Variants in AP2A2 observed in about 807,000 individuals in gnomAD.
The protein encoded by AP2A2 is adaptor related protein complex 2 subunit alpha 2.
In AP2A2, 32 loss-of-function variants were observed where a neutral mutation model predicts 104.2. That is an observed-to-expected ratio of 0.31 (90% confidence interval 0.23 to 0.41). The LOEUF is 0.41. Among genes scored for constraint, AP2A2 ranks in the 10% least tolerant of loss-of-function variants. The pLI is 1.00. For missense variants in AP2A2, 912 were observed against 1,261.0 expected, an observed-to-expected ratio of 0.72 and a Z score of 4.19; for synonymous variants, 539 against 533.3, an observed-to-expected ratio of 1.01 and a Z score of -0.15.
chr11:973,350 G>A (rs921352077), intron 4 of AP2A2, among the ~76,000 whole-genome samples: 28 of 152,178 alleles, frequency 1.8e-4, no homozygotes, highest in African/African-American at 6.3e-4. Context: ...CAGAGAATGA[G>A]GCAGCCTTCT....
At chr11:986,118 T>C (rs879600562) in intron 8 of AP2A2, among the ~76,000 whole-genome samples, 1 of 152,222 alleles carries the variant, frequency 6.6e-6, no homozygotes, top group Non-Finnish European at 1.5e-5. Flanking sequence ...GTCTTGCGTG[T>C]GGGGCCATGC....
intron 1 of AP2A2, among the ~76,000 whole-genome samples, chr11:927,108 T>C (rs7480178): frequency 0.56 from 84,401 of 151,994 alleles, 24,636 homozygotes; most frequent in Middle Eastern, 0.72. Flanking sequence ...GCTCTGGCTC[T>C]CAGGCTGGAG....
At chr11:982,551 C>G (rs1402892539) in intron 6 of AP2A2, among the ~76,000 whole-genome samples, 1 of 151,810 alleles carries the variant, frequency 6.6e-6, no homozygotes, top group African/African-American at 2.4e-5. Context: ...GTCGTTGGTA[C>G]TCTTCACATT....
intron 9 of AP2A2, among the ~76,000 whole-genome samples, chr11:988,178 G>A (rs747947136): frequency 3.3e-5 from 5 of 152,242 alleles, no homozygotes; most frequent in East Asian, 3.9e-4. Flanking sequence ...GGGCAGCTCC[G>A]TGTCCGAGGC....
chr11:963,510 G>A (rs1477964057), intron 2 of AP2A2, among the ~76,000 whole-genome samples: 2 of 152,192 alleles, frequency 1.3e-5, no homozygotes, highest in Non-Finnish European at 2.9e-5. Flanking sequence ...ACACTTAAGA[G>A]TGAGTCTCAC....
intron 2 of AP2A2, among the ~76,000 whole-genome samples, chr11:963,055 AAAAGT>A (rs1269543235): frequency 1.3e-5 from 2 of 152,242 alleles, no homozygotes; most frequent in Admixed American, 6.5e-5. Context: ...CTCATTGAAA[AAAAGT>A]AAAAAGGAGC....
At chr11:1,003,561 T>C in intron 15 of AP2A2, 161 bp from the exon 16 acceptor site, 1 of 510,614 alleles carries the variant, frequency 2.0e-6, no homozygotes, top group Non-Finnish European at 3.5e-6. Context: ...CCAGTGGCTG[T>C]TTGTCAGGAT....
rs770988446 is a variant in AP2A2 at position 1,008,153 on chromosome 11, G to A, written c.2420+18G>A. The A allele has an allele frequency of 1.1e-5, 18 of 1,584,918 alleles. No individual in the cohort carries two copies. The highest frequency in any genetic ancestry group is 9.0e-5 in the East Asian group (4 of 44,260). On this transcript the variant is annotated intron_variant, in intron 18 of 21. Transcript: ENST00000448903. The stretch of plus-strand genomic sequence containing the variant: ...CAGTTCAGGTAAGAGCCGCCTGTGC[G>A]CCCCGGGCCAAGGGGTGTGTGGGCG...
chr11:982,582 C>G (rs950770922), intron 6 of AP2A2, among the ~76,000 whole-genome samples: 1 of 151,038 alleles, frequency 6.6e-6, no homozygotes, highest in Non-Finnish European at 1.5e-5. Flanking sequence ...CTTTCTCTAT[C>G]TAGTTTGTCA....
intron 4 of AP2A2, among the ~76,000 whole-genome samples, chr11:974,144 C>T (rs1253563882): frequency 1.3e-5 from 2 of 148,666 alleles, no homozygotes; most frequent in Admixed American, 1.3e-4. Flanking sequence ...CAGAAGGGAG[C>T]AGGTGGCCCG....
chr11:949,147 G>A (rs1441179916), intron 1 of AP2A2, among the ~76,000 whole-genome samples: 4 of 150,096 alleles, frequency 2.7e-5, no homozygotes, highest in Admixed American at 6.6e-5. Flanking sequence ...GTGGTGGCAC[G>A]CACCTTTAGT....
At chr11:963,157 G>A (rs1178582041) in intron 2 of AP2A2, among the ~76,000 whole-genome samples, 9 of 152,144 alleles carry the variant, frequency 5.9e-5, no homozygotes, top group Admixed American at 5.9e-4. Context: ...CTGGCACGAT[G>A]GCTCATGCCT....
intron 1 of AP2A2, among the ~76,000 whole-genome samples, chr11:938,058 A>C (rs1220698160): frequency 6.6e-6 from 1 of 152,132 alleles, no homozygotes; most frequent in Non-Finnish European, 1.5e-5. Flanking sequence ...AACAAAACGC[A>C]TGCTTATTGG....
chr11:972,223 C>T lies in AP2A2; in HGVS notation c.441C>T (p.Phe147=), dbSNP rs761093838. ...GCAGCCGGGAGATGGCCGAGGCCTT[C>T]GCCGGGGAGATCCCTAAGGTCCTCG... ...SVGSREMAEA[F]AGEIPKVLVA... Residue 147 remains phenylalanine (F), a synonymous_variant, in exon 4 of 22, where the codon TTC becomes TTT. Coordinates refer to ENST00000448903, the MANE Select transcript of AP2A2 (RefSeq NM_012305.4). 119 of 1,607,734 alleles carry T rather than the reference C, an allele frequency of 7.4e-5. No individual in the cohort carries two copies. The highest frequency in any genetic ancestry group is 1.3e-4 in the Admixed American group (8 of 59,562).
chr11:939,856 T>C (rs1853585123), intron 1 of AP2A2, among the ~76,000 whole-genome samples: 1 of 152,182 alleles, frequency 6.6e-6, no homozygotes, highest in Admixed American at 6.5e-5. Flanking sequence ...CTATTTCATG[T>C]CTGAAAGTAC....
intron 1 of AP2A2, among the ~76,000 whole-genome samples, chr11:952,654 A>G (rs923318022): frequency 6.6e-5 from 10 of 152,034 alleles, no homozygotes; most frequent in Non-Finnish European, 1.3e-4. Context: ...CTCTTTAACA[A>G]AGATCAGACT....
In AP2A2 at chr11:960,305, C is replaced by T. The variant is rs190270527; in HGVS notation, c.136+800C>T. ...TCGCTCAGTGTGGAGTGCAGTGGCACGATCTTGGCTCACCGCAACCTCCGC... is the reference window on the plus strand; with the variant it reads ...TCGCTCAGTGTGGAGTGCAGTGGCATGATCTTGGCTCACCGCAACCTCCGC... On this transcript the variant is annotated intron_variant, in intron 2 of 21. Transcript: ENST00000448903. Among the ~76,000 whole-genome samples the T allele has an allele frequency of 1.9e-4, 29 of 151,568 alleles. No individual in the cohort carries two copies. The East Asian group carries it at 4.8e-3, about 25-fold the overall frequency.
intron 14 of AP2A2, among the ~76,000 whole-genome samples, chr11:1,000,140 G>T (rs2133767790): frequency 6.6e-6 from 1 of 152,216 alleles, no homozygotes; most frequent in East Asian, 1.9e-4. Flanking sequence ...ATTTTTTTGA[G>T]AATTTTTTTC....
intron 14 of AP2A2, among the ~76,000 whole-genome samples, chr11:998,798 G>A (rs28622570): frequency 0.99 from 151,094 of 152,238 alleles, 74,987 homozygotes; most frequent in East Asian, 1. Flanking sequence ...CCTGGTTTCA[G>A]TTCTCCTGCC....
Sources: allele counts gnomAD v4.1 joint callset (sites outside exome capture counted in the v4.1 genomes callset), GRCh38; gene constraint gnomAD v4.1.1; transcripts MANE v1.5; gene names NCBI Gene and HGNC (gene_info 2026-07-23, HGNC 2026-07-21).